RARB: variants seen among roughly 807,000 people sequenced by gnomAD.
RARB encodes retinoic acid receptor beta, also known as HBV-activated protein.
Under a neutral mutation model 51.9 loss-of-function variants are expected in RARB, and 17 were observed. The ratio of observed to expected loss-of-function variants is 0.33; its 90% CI spans 0.22 to 0.49. RARB has a LOEUF of 0.49. Ranked by LOEUF, RARB falls within the 20% of genes least tolerant of loss-of-function variation. RARB has a pLI of 0.99. For missense variants in RARB, 369 were observed against 550.8 expected, an observed-to-expected ratio of 0.67 and a Z score of 3.30; for synonymous variants, 215 against 195.4, an observed-to-expected ratio of 1.10 and a Z score of -0.84.
intron 2 of RARB, among the ~76,000 whole-genome samples, chr3:24,915,655 GT>G (rs1309307186): frequency 6.6e-6 from 1 of 152,208 alleles, no homozygotes; most frequent in East Asian, 1.9e-4. Flanking sequence ...CTTCATGTAT[GT>G]GTTTGCCATA....
rs562297200 is a variant in RARB, at chr3:25,483,695, A to T, written c.307-17487A>T. ...AGATAAGAGCAAGGGAGACTGGAGG[A>T]TGTGATTATGAGTAAAACTTCTGGG... On this transcript the variant is annotated intron_variant, in intron 2 of 7. Transcript: ENST00000330688. Among the ~76,000 whole-genome samples, 12 of 152,270 alleles carry T rather than the reference A, an allele frequency of 7.9e-5. No individual in the cohort carries two copies. In the East Asian group the frequency reaches 2.3e-3, roughly 29 times the overall value.
chr3:25,161,335 C>T (rs1049710448), intron 4 of RARB, among the ~76,000 whole-genome samples: 1 of 152,016 alleles, frequency 6.6e-6, no homozygotes, highest in African/African-American at 2.4e-5. Context: ...GTGTGAGCTA[C>T]CACGCCTGGC....
chr3:25,372,688 T>A (rs921518154), intron 5 of RARB, among the ~76,000 whole-genome samples: 1 of 152,042 alleles, frequency 6.6e-6, no homozygotes, highest in African/African-American at 2.4e-5. Flanking sequence ...TAGTCAGGCA[T>A]GGTGGCGCAT....
chr3:25,276,496 A>G (rs1703385886), intron 5 of RARB, among the ~76,000 whole-genome samples: 1 of 152,260 alleles, frequency 6.6e-6, no homozygotes, highest in Non-Finnish European at 1.5e-5. Context: ...AAAATGAAGC[A>G]AAATATAACG....
Position 25,594,661 on chromosome 3 carries a change from G to A in RARB, c.1133G>A (p.Arg378His), listed in dbSNP as rs1431828574. Residue 378 changes from arginine (R) to histidine (H), a missense_variant, in exon 7 of 8, where the codon CGT becomes CAT. By Grantham distance (29) the Arg-to-His change is conservative (BLOSUM62 0). Transcript: ENST00000330688. ...PKILMKITDL[R>H]SISAKGAERV... ...ATCTTAATGAAAATCACAGATCTCC[G>A]TAGCATCAGTGCTAAAGGTATGTCT... is the stretch of plus-strand genomic sequence containing the variant. 5.6e-6 allele frequency: 9 copies of A among 1,612,684 alleles called. No individual in the cohort carries two copies. The highest frequency in any genetic ancestry group is 6.8e-6 in the Non-Finnish European group (8 of 1,179,534).
chr3:24,839,884 G>A (rs539204192), intron 1 of RARB, among the ~76,000 whole-genome samples: 8 of 152,182 alleles, frequency 5.3e-5, no homozygotes, highest in Admixed American at 2.6e-4. Flanking sequence ...GAAGAGGCTC[G>A]AAAAATGTAT....
intron 2 of RARB, among the ~76,000 whole-genome samples, chr3:24,931,361 T>C (rs1314457968): frequency 6.6e-6 from 1 of 152,106 alleles, no homozygotes; most frequent in African/African-American, 2.4e-5. Flanking sequence ...GGTTTTTCCT[T>C]ATTTGGCCCT....
chr3:25,513,508 C>T (rs909159543), intron 3 of RARB, among the ~76,000 whole-genome samples: 1 of 152,096 alleles, frequency 6.6e-6, no homozygotes, highest in Non-Finnish European at 1.5e-5. Context: ...TTTTACCTTT[C>T]CCATTCTGCC....
chr3:25,482,054 C>T (rs150855633), intron 2 of RARB, among the ~76,000 whole-genome samples: 1 of 152,312 alleles, frequency 6.6e-6, no homozygotes, highest in African/African-American at 2.4e-5. Context: ...CAGCAGGACC[C>T]AAGCCCCCAA....
At chr3:25,276,506 G>A (rs932702828) in intron 5 of RARB, among the ~76,000 whole-genome samples, 28 of 152,122 alleles carry the variant, frequency 1.8e-4, no homozygotes, top group African/African-American at 5.8e-4. Flanking sequence ...AAAATATAAC[G>A]GAAGGAATTT....
At chr3:25,527,407 A>C (rs534846700) in intron 3 of RARB, among the ~76,000 whole-genome samples, 1 of 152,320 alleles carries the variant, frequency 6.6e-6, no homozygotes, top group Non-Finnish European at 1.5e-5. Flanking sequence ...AACACCAAAA[A>C]TGGTAGTGAA....
At chr3:25,122,749 C>T (rs1041753669) in intron 3 of RARB, among the ~76,000 whole-genome samples, 10 of 152,222 alleles carry the variant, frequency 6.6e-5, no homozygotes, top group East Asian at 1.9e-4. Flanking sequence ...GTACAGAAGA[C>T]GGAGGATGGA....
At chr3:24,934,140 A>G (rs1464806800) in intron 2 of RARB, among the ~76,000 whole-genome samples, 1 of 152,122 alleles carries the variant, frequency 6.6e-6, no homozygotes, top group Admixed American at 6.6e-5. Context: ...TTTTGTGTTC[A>G]TCATGACTTG....
intron 2 of RARB, among the ~76,000 whole-genome samples, chr3:24,905,388 T>C (rs1234028946): frequency 6.6e-6 from 1 of 152,218 alleles, no homozygotes; most frequent in Non-Finnish European, 1.5e-5. Flanking sequence ...AAAATACCTC[T>C]GCTTACTTGA....
intron 5 of RARB, among the ~76,000 whole-genome samples, chr3:25,316,885 A>G (rs1400996419): frequency 6.6e-6 from 1 of 152,190 alleles, no homozygotes; most frequent in Non-Finnish European, 1.5e-5. Flanking sequence ...AACTCTAAGA[A>G]ACTATCCAGT....
At chr3:24,898,454 A>G (rs192978994) in intron 2 of RARB, among the ~76,000 whole-genome samples, 3 of 152,030 alleles carry the variant, frequency 2.0e-5, no homozygotes, top group Admixed American at 2.0e-4. Context: ...AATAACTTTA[A>G]TATTTGTTAC....
chr3:25,256,975 T>C (rs1335512799), intron 5 of RARB, among the ~76,000 whole-genome samples: 2 of 152,094 alleles, frequency 1.3e-5, no homozygotes, highest in African/African-American at 4.8e-5. Context: ...TTGCCCAAAA[T>C]ATCATACGAT....
chr3:25,106,561 C>G (rs1243605905), intron 3 of RARB, among the ~76,000 whole-genome samples: 4 of 150,632 alleles, frequency 2.7e-5, no homozygotes, highest in African/African-American at 4.9e-5. Flanking sequence ...TCTCATCCTC[C>G]CAAAGTGCTG....
chr3:24,979,642 C>T (rs1438763254), intron 2 of RARB, among the ~76,000 whole-genome samples: 1 of 150,994 alleles, frequency 6.6e-6, no homozygotes, highest in Non-Finnish European at 1.5e-5. Context: ...CTTCCTCCAT[C>T]CCTTTATTTT....
Sources: gnomAD v4.1 joint callset for allele counts (sites outside exome capture counted in the v4.1 genomes callset) on GRCh38, gnomAD v4.1.1 for gene constraint, MANE v1.5 for transcripts, NCBI Gene and HGNC (gene_info 2026-07-23, HGNC 2026-07-21) for gene names.